Variants in GRM4 observed in about 807,000 individuals in gnomAD.
The protein encoded by GRM4 is metabotropic glutamate receptor 4.
In GRM4, 28 loss-of-function variants were observed where a neutral mutation model predicts 81.7. The observed-to-expected ratio is 0.34, with a 90% confidence interval of 0.25 to 0.47. GRM4 has a LOEUF of 0.47. GRM4 is among the 20% of genes least tolerant of loss of function. GRM4 has a pLI of 1.00. For synonymous variants in GRM4, 488 were observed against 528.8 expected, an observed-to-expected ratio of 0.92 and a Z score of 1.06; for missense variants, 948 against 1,290.0, an observed-to-expected ratio of 0.73 and a Z score of 4.06.
At position 34,121,980 on chromosome 6, in the gene GRM4, C is replaced by T. The variant is rs775793270; in HGVS notation, c.519+10998G>A. The stretch of plus-strand genomic sequence containing the variant: ...GTCGGAGGGAGGGGTCTGGGTGGGG[C>T]GGGTGCCCACCAGGAAGTGCTCAGT... On this transcript the variant is annotated intron_variant, in intron 2 of 10. Transcript: ENST00000538487. This position sits in a 1 kb window ranked among gnomAD's most constrained non-coding sequence, Gnocchi z 4.6. Among the ~76,000 whole-genome samples, 2 of 147,880 alleles carry T rather than the reference C, an allele frequency of 1.4e-5. No homozygotes were observed. Among genetic ancestry groups the T allele is most frequent in the Non-Finnish European group, 3.0e-5 (2 of 67,048 alleles).
chr6:34,145,491 C>T (rs1481661601), intron 1 of GRM4, among the ~76,000 whole-genome samples: 1 of 152,196 alleles, frequency 6.6e-6, no homozygotes, highest in Admixed American at 6.5e-5. Flanking sequence ...GAGCGACCAG[C>T]GAGCGCAGCC....
At chr6:34,085,385 C>T (rs1181336272) in intron 3 of GRM4, among the ~76,000 whole-genome samples, 4 of 152,212 alleles carry the variant, frequency 2.6e-5, no homozygotes, top group African/African-American at 9.7e-5. Context: ...CAAGTTCCTG[C>T]TCCCTACCTT....
chr6:34,091,755 G>T, intron 3 of GRM4, 128 bp downstream of exon 3: 1 of 684,444 alleles, frequency 1.5e-6, no homozygotes, highest in Non-Finnish European at 2.5e-6. Flanking sequence ...AGAGGCCGAG[G>T]CCCACCTGGC....
chr6:34,072,223 A>T (rs941563786), intron 3 of GRM4, among the ~76,000 whole-genome samples: 3 of 18,466 alleles, frequency 1.6e-4, no homozygotes, highest in Non-Finnish European at 4.3e-4. Flanking sequence ...AACCACACAG[A>T]TGCACACCAC....
exon 1 of GRM4, chr6:34,155,602 C>A (rs979408057): frequency 1.9e-5 from 9 of 464,676 alleles, no homozygotes; most frequent in African/African-American, 1.2e-4. Context: ...TCAAGCGATC[C>A]TCCAGCAAAG....
intron 2 of GRM4, chr6:34,110,684 G>A (rs1769337741): frequency 1.3e-6 from 2 of 1,504,400 alleles, no homozygotes; most frequent in Non-Finnish European, 1.8e-6. Flanking sequence ...CTCTCCAGGA[G>A]CGTGTGTCTG....
intron 2 of GRM4, among the ~76,000 whole-genome samples, chr6:34,131,101 C>A (rs771952465): frequency 2.0e-5 from 3 of 152,208 alleles, no homozygotes; most frequent in Non-Finnish European, 2.9e-5. Flanking sequence ...CCAGCCAGCT[C>A]CTCCTCTCCT....
chr6:34,141,974 G>T (rs1026475542), intron 1 of GRM4, among the ~76,000 whole-genome samples: 1 of 152,182 alleles, frequency 6.6e-6, no homozygotes, highest in African/African-American at 2.4e-5. Flanking sequence ...GCAGGACCAA[G>T]AAAAAGCAGC....
intron 2 of GRM4, among the ~76,000 whole-genome samples, chr6:34,097,684 A>C (rs75892256): frequency 0.011 from 1,696 of 152,322 alleles, 10 homozygotes; most frequent in Non-Finnish European, 0.018. Context: ...ACACCATCCA[A>C]AGGTGGAACG....
chr6:34,044,467 G>GACAT (rs1371390789), intron 6 of GRM4, among the ~76,000 whole-genome samples: 1 of 109,520 alleles, frequency 9.1e-6, no homozygotes, highest in South Asian at 3.1e-4. Flanking sequence ...CACACACACA[G>GACAT]ACATACATAC....
chr6:34,045,640 G>A (rs1042393381), intron 6 of GRM4, among the ~76,000 whole-genome samples: 9 of 152,152 alleles, frequency 5.9e-5, no homozygotes, highest in African/African-American at 1.7e-4. Flanking sequence ...CCATTGTCTG[G>A]CCAGGCCCAA....
At chr6:34,139,762 C>T (rs1413142076) in intron 1 of GRM4, among the ~76,000 whole-genome samples, 2 of 152,196 alleles carry the variant, frequency 1.3e-5, no homozygotes, top group Non-Finnish European at 2.9e-5. Context: ...GCAGTGCGCC[C>T]GGTCCAGAGT....
At chr6:34,040,126 G>C in intron 8 of GRM4, 52 bp downstream of exon 8, 3 of 1,578,238 alleles carry the variant, frequency 1.9e-6, no homozygotes, top group Non-Finnish European at 2.6e-6. Context: ...CCCCTCCCAG[G>C]GGCTGGAACT....
At position 34,133,162 on chromosome 6, in the gene GRM4, TC is replaced by T; in HGVS notation, c.334del (p.Asp112ThrfsTer9). On this transcript the variant is annotated frameshift_variant, in exon 2 of 11. Transcript: ENST00000538487. LOFTEE classifies it high-confidence loss of function. The surrounding 1 kb of genome is among the most constrained non-coding windows in gnomAD (Gnocchi z 6.5). Reference sequence around the variant, plus strand: ...CAGCGACTGCTCGAGGGCATGGGTGTCCCTGGAGCAGGTGTCCAGAATGCGG... The same window carrying T: ...CAGCGACTGCTCGAGGGCATGGGTGTCCTGGAGCAGGTGTCCAGAATGCGG... ...GARILDTCSR[D>X]THALEQSLTF... 1 of 1,613,942 alleles carries T rather than the reference TC, an allele frequency of 6.2e-7. No individual in the cohort carries two copies. The highest frequency in any genetic ancestry group is 8.5e-7 in the Non-Finnish European group (1 of 1,179,850).
intron 3 of GRM4, among the ~76,000 whole-genome samples, chr6:34,079,209 C>T (rs1767464977): frequency 6.6e-6 from 1 of 152,220 alleles, no homozygotes; most frequent in Admixed American, 6.5e-5. Flanking sequence ...CCACCCGCCT[C>T]ACGTCACCTG....
chr6:34,087,418 CAA>C (rs765556138), intron 3 of GRM4, among the ~76,000 whole-genome samples: 17 of 66,524 alleles, frequency 2.6e-4, no homozygotes, highest in Admixed American at 3.5e-4. Context: ...GACTCCATCT[CAA>C]AAAAAAAAAA....
At chr6:34,032,068 T>C (rs1036962704) in intron 9 of GRM4, among the ~76,000 whole-genome samples, 4 of 151,852 alleles carry the variant, frequency 2.6e-5, no homozygotes, top group African/African-American at 9.7e-5. Flanking sequence ...CACATCCACC[T>C]GCACACACTC....
At chr6:34,049,385 C>T (rs921033172) in intron 6 of GRM4, among the ~76,000 whole-genome samples, 4 of 152,092 alleles carry the variant, frequency 2.6e-5, no homozygotes, top group African/African-American at 9.7e-5. Flanking sequence ...CAGGCTGCCC[C>T]TTCTCAGCTT....
Position 34,076,711 on chromosome 6 carries a change from G to T in GRM4, c.737-14683C>A, listed in dbSNP as rs551491169. On this transcript the variant is annotated intron_variant, in intron 3 of 10. Coordinates refer to ENST00000538487, the MANE Select transcript of GRM4 (RefSeq NM_000841.4). The stretch of plus-strand genomic sequence containing the variant: ...GAGACACAGGCCTGTGGGGACTCAG[G>T]TTGGCGAAGCTGATGGACAGATGCT... Among the ~76,000 whole-genome samples, 8 of 152,308 alleles carry T rather than the reference G, an allele frequency of 5.3e-5. No individual in the cohort carries two copies. In the South Asian group the frequency reaches 1.2e-3, roughly 24 times the overall value.
Sources: gnomAD v4.1 joint callset for allele counts (sites outside exome capture counted in the v4.1 genomes callset) on GRCh38, gnomAD v4.1.1 for gene constraint, Gnocchi (gnomAD v3.1) non-coding constraint, MANE v1.5 for transcripts, NCBI Gene and HGNC (gene_info 2026-07-23, HGNC 2026-07-21) for gene names.